Variants in COL23A1 observed in about 807,000 individuals in gnomAD.
The protein encoded by COL23A1 is collagen alpha-1(XXIII) chain.
Under a neutral mutation model 99.3 loss-of-function variants are expected in COL23A1, and 97 were observed. The ratio of observed to expected loss-of-function variants is 0.98; its 90% CI spans 0.83 to 1.16. The LOEUF is 1.16. Ranked by LOEUF, COL23A1 falls within the 50% of genes most tolerant of loss-of-function variation. The pLI is 0.00. For missense variants in COL23A1, 762 were observed against 757.4 expected, an observed-to-expected ratio of 1.01 and a Z score of -0.07; for synonymous variants, 320 against 308.2, an observed-to-expected ratio of 1.04 and a Z score of -0.40.
chr5:178,352,918 G>C (rs1041225934), intron 2 of COL23A1, among the ~76,000 whole-genome samples: 8 of 152,220 alleles, frequency 5.3e-5, no homozygotes, highest in Admixed American at 4.6e-4. Flanking sequence ...GAGAAAAGAA[G>C]AGTTGGCAAG....
intron 2 of COL23A1, among the ~76,000 whole-genome samples, chr5:178,486,990 G>A (rs923782097): frequency 1.3e-5 from 2 of 152,204 alleles, no homozygotes; most frequent in African/African-American, 2.4e-5. Context: ...AAAACTGGAC[G>A]CTCTCTATCC....
intron 2 of COL23A1, among the ~76,000 whole-genome samples, chr5:178,481,578 T>A (rs1757342747): frequency 6.6e-6 from 1 of 152,154 alleles, no homozygotes; most frequent in Admixed American, 6.5e-5. Context: ...AATAGACATT[T>A]ATACCTGGTC....
intron 2 of COL23A1, among the ~76,000 whole-genome samples, chr5:178,364,300 T>TCTTCTTC (rs1198102330): frequency 1.3e-5 from 2 of 148,426 alleles, no homozygotes; most frequent in East Asian, 4.2e-4. Flanking sequence ...AGGAAGTCCG[T>TCTTCTTC]CTTCTTCCTT....
At chr5:178,278,574 G>A (rs758661679) in intron 5 of COL23A1, among the ~76,000 whole-genome samples, 14 of 152,044 alleles carry the variant, frequency 9.2e-5, no homozygotes, top group Non-Finnish European at 1.8e-4. Context: ...CTCACTTGCC[G>A]GCGGCTGCAA....
chr5:178,536,001 C>T (rs1462617087), intron 2 of COL23A1, among the ~76,000 whole-genome samples: 9 of 152,266 alleles, frequency 5.9e-5, no homozygotes, highest in African/African-American at 4.8e-5. Context: ...GGCCAGGCCC[C>T]GGGCCTTCCT....
intron 2 of COL23A1, among the ~76,000 whole-genome samples, chr5:178,400,440 G>C (rs190992269): frequency 1.2e-3 from 144 of 121,926 alleles, no homozygotes; most frequent in Admixed American, 2.9e-3. Context: ...TTTGTGTTTT[G>C]ACAATCGAGA....
At chr5:178,346,988 C>T (rs991078904) in intron 2 of COL23A1, among the ~76,000 whole-genome samples, 2 of 152,112 alleles carry the variant, frequency 1.3e-5, no homozygotes, top group Non-Finnish European at 2.9e-5. Flanking sequence ...GGTGGGTCTC[C>T]TTACGGCCTC....
intron 6 of COL23A1, 41 bp downstream of exon 6, chr5:178,270,296 C>A: frequency 6.2e-7 from 1 of 1,613,002 alleles, no homozygotes; most frequent in Non-Finnish European, 8.5e-7. Flanking sequence ...CGGTGGCAGC[C>A]CCAGCCCAGG....
At chr5:178,433,735 A>G (rs1207616672) in intron 2 of COL23A1, among the ~76,000 whole-genome samples, 1 of 152,102 alleles carries the variant, frequency 6.6e-6, no homozygotes, top group Non-Finnish European at 1.5e-5. Flanking sequence ...TTTTTACCAC[A>G]CTCTCATTCA....
At chr5:178,523,594 C>T (rs1348876081) in intron 2 of COL23A1, 1 of 152,138 alleles carries the variant, frequency 6.6e-6, no homozygotes, top group Non-Finnish European at 1.5e-5. Context: ...AAATCTTCAT[C>T]TCTGTGTCCA....
rs536170952 is a variant in COL23A1 at position 178,405,436 on chromosome 5, G to A, written c.362-98517C>T. Among the ~76,000 whole-genome samples, 7 of 152,294 alleles carry A rather than the reference G, an allele frequency of 4.6e-5. No homozygotes were observed. In the East Asian group the frequency reaches 1.3e-3, roughly 29 times the overall value. ...AGATTGTAAATCTCCAGATGGCAAG[G>A]TTTTTGTATGCTTAAACACTTTCAT... On this transcript the variant is annotated intron_variant, in intron 2 of 28. Transcript: ENST00000390654.
At chr5:178,459,565 C>A (rs1756001590) in intron 2 of COL23A1, among the ~76,000 whole-genome samples, 1 of 152,112 alleles carries the variant, frequency 6.6e-6, no homozygotes, top group Admixed American at 6.6e-5. Flanking sequence ...AGTTTGAGAC[C>A]AGCCTGGACA....
intron 5 of COL23A1, among the ~76,000 whole-genome samples, chr5:178,282,267 T>C (rs905077353): frequency 6.6e-6 from 1 of 152,060 alleles, no homozygotes; most frequent in African/African-American, 2.4e-5. Flanking sequence ...AATGAAGAAA[T>C]GGACTTTTAA....
Position 178,366,252 on chromosome 5 carries a change from G to A in COL23A1, c.362-59333C>T, listed in dbSNP as rs1333213129. On this transcript the variant is annotated intron_variant, in intron 2 of 28. Coordinates refer to ENST00000390654, the MANE Select transcript of COL23A1 (RefSeq NM_173465.4). This position sits in a 1 kb window ranked among gnomAD's most constrained non-coding sequence, Gnocchi z 4.4. Reference sequence around the variant, plus strand: ...AAGGGCCTGCTCCCAGCCCAGCTTGGCTGTCCAGTGGGGAGGGGCACCGCT... The same window carrying A: ...AAGGGCCTGCTCCCAGCCCAGCTTGACTGTCCAGTGGGGAGGGGCACCGCT... Among the ~76,000 whole-genome samples the A allele has an allele frequency of 6.6e-6, 1 of 152,192 alleles. No homozygotes were observed. The highest frequency in any genetic ancestry group is 1.5e-5 in the Non-Finnish European group (1 of 68,036).
At chr5:178,321,168 C>A (rs2973695) in intron 2 of COL23A1, among the ~76,000 whole-genome samples, 58,442 of 152,168 alleles carry the variant, frequency 0.38, 11,763 homozygotes, top group African/African-American at 0.48. Flanking sequence ...CCATCTTAAC[C>A]ATTCTTGAGT....
At chr5:178,557,883 C>T (rs1282708086) in intron 2 of COL23A1, among the ~76,000 whole-genome samples, 2 of 151,964 alleles carry the variant, frequency 1.3e-5, no homozygotes, top group African/African-American at 2.4e-5. Flanking sequence ...AAGGGGCTCT[C>T]GAGGTGACAG....
intron 17 of COL23A1, 88 bp downstream of exon 17, chr5:178,252,456 T>C: frequency 2.3e-6 from 3 of 1,286,476 alleles, no homozygotes; most frequent in Non-Finnish European, 3.2e-6. Context: ...CGGAGGGAAG[T>C]GGAACAGGGT....
chr5:178,403,117 A>AAAAAAAAAAAG (rs1764547143), intron 2 of COL23A1, among the ~76,000 whole-genome samples: 1 of 139,620 alleles, frequency 7.2e-6, no homozygotes, highest in Non-Finnish European at 1.5e-5. Flanking sequence ...TCAAAAAAAA[A>AAAAAAAAAAAG]AAAAATAAAT....
At chr5:178,276,925 G>A (rs1037035500) in intron 5 of COL23A1, among the ~76,000 whole-genome samples, 3 of 152,216 alleles carry the variant, frequency 2.0e-5, no homozygotes, top group African/African-American at 4.8e-5. Flanking sequence ...GGGGTCCCAA[G>A]CGCTTGCACC....
Sources: allele counts gnomAD v4.1 joint callset (sites outside exome capture counted in the v4.1 genomes callset), GRCh38; gene constraint gnomAD v4.1.1; non-coding constraint Gnocchi (gnomAD v3.1); transcripts MANE v1.5; gene names NCBI Gene and HGNC (gene_info 2026-07-23, HGNC 2026-07-21).